The following FGD4 variants were observed in gnomAD, a reference collection of about 807,000 sequenced individuals.
The protein encoded by FGD4 is FYVE, RhoGEF and PH domain containing 4, also known as FYVE, RhoGEF and PH domain-containing protein 4.
In FGD4, 42 loss-of-function variants were observed where a neutral mutation model predicts 102.0. The ratio of observed to expected loss-of-function variants is 0.41; its 90% CI spans 0.32 to 0.53. FGD4 has a LOEUF of 0.53. Among genes scored for constraint, FGD4 ranks in the 20% least tolerant of loss-of-function variants. FGD4 has a pLI of 0.21. For synonymous variants in FGD4, 380 were observed against 375.7 expected (o/e 1.01, Z -0.13); for missense variants, 902 against 1,078.2 (o/e 0.84, Z 2.29).
intron 1 of FGD4, among the ~76,000 whole-genome samples, chr12:32,496,816 G>T (rs1179541851): frequency 6.6e-6 from 1 of 152,108 alleles, no homozygotes; most frequent in African/African-American, 2.4e-5. Context: ...AGTGTGGAAG[G>T]CAGGGCCTAG....
chr12:32,592,769 C>T (rs1006004133), intron 4 of FGD4, among the ~76,000 whole-genome samples: 10 of 152,070 alleles, frequency 6.6e-5, no homozygotes, highest in Non-Finnish European at 2.9e-5. Flanking sequence ...AAGTTGGAAG[C>T]CACCATATTA....
chr12:32,638,143 C>CTTGAGGCCAGGAGT (rs1950958280), intron 15 of FGD4, among the ~76,000 whole-genome samples: 1 of 152,168 alleles, frequency 6.6e-6, no homozygotes, highest in African/African-American at 2.4e-5. Context: ...GGGAGGATTG[C>CTTGAGGCCAGGAGT]TTGAGGCCAG....
intron 5 of FGD4, among the ~76,000 whole-genome samples, chr12:32,599,739 G>A (rs185713653): frequency 3.3e-5 from 5 of 150,888 alleles, no homozygotes; most frequent in South Asian, 2.1e-4. Context: ...TAGTAGAGAC[G>A]GGGTTTCACC....
At chr12:32,561,042 TA>T (rs1372430298) in intron 1 of FGD4, among the ~76,000 whole-genome samples, 1 of 143,238 alleles carries the variant, frequency 7.0e-6, no homozygotes, top group African/African-American at 2.6e-5. Flanking sequence ...CAACAGAAAA[TA>T]AAGCAGAAAT....
At chr12:32,491,594 G>T (rs967589474) in intron 1 of FGD4, among the ~76,000 whole-genome samples, 5 of 152,122 alleles carry the variant, frequency 3.3e-5, no homozygotes, top group African/African-American at 1.2e-4. Context: ...TATTCCTGCT[G>T]ATATGGGAAA....
In FGD4 at chr12:32,438,616, G is replaced by GTTT. The variant is rs539998283; in HGVS notation, c.166+38666_166+38668dup. Among the ~76,000 whole-genome samples the GTTT allele has an allele frequency of 8.5e-4, 125 of 146,542 alleles. 2 individuals are homozygous for GTTT. The highest frequency in any genetic ancestry group is 3.0e-3 in the South Asian group (14 of 4,696). On this transcript the variant is annotated intron_variant, in intron 1 of 16. Transcript: ENST00000534526. ...GTTTTTTGTTTGTTTGTTTGTGTGT[G>GTTT]TTTTTTTTTTTGAGATGGAGTCTCG...
intron 1 of FGD4, among the ~76,000 whole-genome samples, chr12:32,400,746 G>A (rs76940553): frequency 0.063 from 9,542 of 152,236 alleles, 429 homozygotes; most frequent in Middle Eastern, 0.14. Flanking sequence ...GTAACCAGAG[G>A]TGTCTGGTAT....
At chr12:32,402,909 C>A (rs537164652) in intron 1 of FGD4, among the ~76,000 whole-genome samples, 3 of 152,134 alleles carry the variant, frequency 2.0e-5, no homozygotes, top group African/African-American at 7.2e-5. Flanking sequence ...AAAGTGCTTT[C>A]TTCTTTGACT....
At position 32,625,747 on chromosome 12, in the gene FGD4, C is replaced by T. The variant is rs778377449; in HGVS notation, c.2140C>T (p.Arg714Ter). The change falls in exon 14 of 17, where the codon CGA becomes TGA. Residue 714 changes from arginine (R) to a stop codon, truncating the protein, a stop_gained. Coordinates refer to ENST00000534526, the MANE Select transcript of FGD4 (RefSeq NM_001370298.3). LOFTEE classifies it high-confidence loss of function. Reference sequence around the variant, plus strand: ...TAAAGAACCTTTCAATGCACTGACACGAAGGAGGCATCATTGTCGAGCATG... The same window carrying T: ...TAAAGAACCTTTCAATGCACTGACATGAAGGAGGCATCATTGTCGAGCATG... ...KCKEPFNALT[R>*]RRHHCRACGY... is the part of the protein sequence containing the mutation. The T allele has an allele frequency of 2.5e-6, 4 of 1,613,598 alleles. No individual in the cohort carries two copies. The highest frequency in any genetic ancestry group is 2.2e-5 in the East Asian group (1 of 44,882).
In FGD4 at chr12:32,598,586, G is replaced by C; in HGVS notation, c.1101G>C (p.Gln367His). Reference sequence around the variant, plus strand: ...TCAACCGACTTGACCTCTTAGATCAGGTAAGATTTTCTTTCTCAGAATTAT... The same window carrying C: ...TCAACCGACTTGACCTCTTAGATCACGTAAGATTTTCTTTCTCAGAATTAT... Reference protein sequence around the residue: ...AYVNRLDLLDQVFYCKLLEEA... With the variant: ...AYVNRLDLLDHVFYCKLLEEA... The change falls in exon 5 of 17, where the codon CAG (glutamine) becomes CAC (histidine). Residue 367 changes from glutamine (Q) to histidine (H), a missense_variant and splice_region_variant. By Grantham distance (24) the Gln-to-His change is conservative. Transcript: ENST00000534526. 1 of 1,608,892 alleles carries C rather than the reference G, an allele frequency of 6.2e-7. No homozygotes were observed. The highest frequency in any genetic ancestry group is 1.1e-5 in the South Asian group (1 of 90,930).
At chr12:32,631,879 C>A (rs908663446) in intron 14 of FGD4, among the ~76,000 whole-genome samples, 2 of 152,126 alleles carry the variant, frequency 1.3e-5, no homozygotes, top group Non-Finnish European at 2.9e-5. Flanking sequence ...TTGATATTGG[C>A]ATACTTGCCT....
intron 1 of FGD4, among the ~76,000 whole-genome samples, chr12:32,445,863 C>T (rs1942596545): frequency 1.3e-5 from 2 of 152,118 alleles, no homozygotes; most frequent in South Asian, 4.1e-4. Context: ...TCATTTGTAG[C>T]TAATTTAAAA....
intron 1 of FGD4, among the ~76,000 whole-genome samples, chr12:32,471,923 G>C (rs565315129): frequency 9.2e-5 from 14 of 152,314 alleles, no homozygotes; most frequent in Non-Finnish European, 1.9e-4. Context: ...AAACAAAAAT[G>C]TAAACACCTA....
chr12:32,475,007 T>C (rs184648354), intron 1 of FGD4, among the ~76,000 whole-genome samples: 1 of 152,328 alleles, frequency 6.6e-6, no homozygotes, highest in African/African-American at 2.4e-5. Flanking sequence ...TGTAAACTTA[T>C]TTAAACAGAA....
At chr12:32,444,530 G>A (rs937742771) in intron 1 of FGD4, among the ~76,000 whole-genome samples, 2 of 151,824 alleles carry the variant, frequency 1.3e-5, no homozygotes, top group Admixed American at 6.6e-5. Flanking sequence ...TCAGCCTCCC[G>A]AGTAACTGGG....
chr12:32,584,913 A>T (rs1234800648), intron 4 of FGD4, among the ~76,000 whole-genome samples: 5 of 152,008 alleles, frequency 3.3e-5, no homozygotes, highest in African/African-American at 1.2e-4. Context: ...AAATGAAGGG[A>T]TAGGGAATGA....
intron 1 of FGD4, among the ~76,000 whole-genome samples, chr12:32,520,748 T>C (rs1216334706): frequency 6.6e-6 from 1 of 152,152 alleles, no homozygotes; most frequent in Non-Finnish European, 1.5e-5. Context: ...TTTTTGTGTT[T>C]TAAAGTGTGT....
chr12:32,472,927 A>G (rs1271518197), intron 1 of FGD4, among the ~76,000 whole-genome samples: 3 of 152,240 alleles, frequency 2.0e-5, no homozygotes, highest in Middle Eastern at 6.8e-3. Context: ...TTGTAAATAT[A>G]CCAATCGGCA....
At chr12:32,599,042 C>T (rs767018573) in intron 5 of FGD4, among the ~76,000 whole-genome samples, 9 of 152,258 alleles carry the variant, frequency 5.9e-5, no homozygotes, top group Admixed American at 6.5e-5. Context: ...TTCACTTATT[C>T]GACCTTGTAT....
Sources: gnomAD v4.1 joint callset for allele counts (sites outside exome capture counted in the v4.1 genomes callset) on GRCh38, gnomAD v4.1.1 for gene constraint, MANE v1.5 for transcripts, NCBI Gene and HGNC (gene_info 2026-07-23, HGNC 2026-07-21) for gene names.